Variants in USP45 observed in about 807,000 individuals in gnomAD.
USP45 encodes ubiquitin carboxyl-terminal hydrolase 45.
Under a neutral mutation model 95.8 loss-of-function variants are expected in USP45, and 89 were observed. The observed-to-expected ratio is 0.93, with a 90% confidence interval of 0.78 to 1.11. The LOEUF is 1.11. USP45 is among the 50% of genes least tolerant of loss of function. The pLI is 0.00. For missense variants in USP45, 898 were observed against 942.5 expected (o/e 0.95, Z 0.62); for synonymous variants, 281 against 316.2 (o/e 0.89, Z 1.18).
intron 5 of USP45, chr6:99,502,002 G>T (rs1331262845): frequency 7.7e-7 from 1 of 1,300,228 alleles, no homozygotes; most frequent in Admixed American, 2.4e-5. Context: ...TCAGGATGGG[G>T]CCTGGCCCTG....
At position 99,446,066 on chromosome 6, in the gene USP45, G is replaced by C. The variant is rs780041973; in HGVS notation, c.1706C>G (p.Thr569Ser). Residue 569 changes from threonine (T) to serine (S), a missense_variant, in exon 14 of 18, where the codon ACT becomes AGT. Coordinates refer to ENST00000500704, the MANE Select transcript of USP45 (RefSeq NM_001346022.3). ...ISELRLSSTV[T>S]GDQDFDRENQ... ...TTCTCTGTCAAAATCTTGATCTCCA[G>C]TTACAGTGCTGCTCAAACGAAGTTC... is the stretch of plus-strand genomic sequence containing the variant. 2.5e-6 allele frequency: 4 copies of C among 1,613,992 alleles called. No homozygotes were observed. The highest frequency in any genetic ancestry group is 1.3e-5 in the African/African-American group (1 of 75,038).
chr6:99,510,005 T>C, intron 2 of USP45, 116 bp downstream of exon 2: 1 of 770,230 alleles, frequency 1.3e-6, no homozygotes, highest in Non-Finnish European at 2.2e-6. Flanking sequence ...CTAGGTTTGG[T>C]GGAAAAAAAT....
At chr6:99,456,524 C>T (rs1332455068) in intron 13 of USP45, among the ~76,000 whole-genome samples, 1 of 152,126 alleles carries the variant, frequency 6.6e-6, no homozygotes, top group Non-Finnish European at 1.5e-5. Flanking sequence ...TTATTAGTTC[C>T]CCAAATTAAT....
intron 7 of USP45, 135 bp from the exon 8 acceptor site, chr6:99,483,018 T>C (rs1013097541): frequency 1.5e-6 from 1 of 682,804 alleles, no homozygotes; most frequent in African/African-American, 1.9e-5. Context: ...TATTATTTCA[T>C]AAATAAAATA....
chr6:99,515,282 C>G (rs1379202650), intron 1 of USP45, 110 bp downstream of exon 1: 4 of 152,216 alleles, frequency 2.6e-5, no homozygotes, highest in Admixed American at 2.6e-4. Context: ...TGGGGAGCCT[C>G]TCTTCCAGCC....
chr6:99,494,302 G>C (rs1400015807), intron 5 of USP45, among the ~76,000 whole-genome samples: 1 of 152,112 alleles, frequency 6.6e-6, no homozygotes, highest in African/African-American at 2.4e-5. Context: ...AAAGAACATT[G>C]AGAGCACACT....
At chr6:99,469,463 ATATATAT>A (rs1420196184) in intron 9 of USP45, among the ~76,000 whole-genome samples, 2 of 116,448 alleles carry the variant, frequency 1.7e-5, no homozygotes, top group Non-Finnish European at 3.4e-5. Flanking sequence ...TATAATTAAT[ATATATAT>A]AATATATATA....
intron 15 of USP45, among the ~76,000 whole-genome samples, chr6:99,441,149 G>A (rs1303158332): frequency 1.2e-5 from 1 of 80,988 alleles, no homozygotes; most frequent in Non-Finnish European, 2.4e-5. Context: ...GATCTGAGTG[G>A]GGCACACACA....
Position 99,496,583 on chromosome 6 carries a change from A to G in USP45, c.478+7182T>C, listed in dbSNP as rs1044023875. Among the ~76,000 whole-genome samples, 17 of 152,208 alleles carry G rather than the reference A, an allele frequency of 1.1e-4. No homozygotes were observed. In the East Asian group the frequency reaches 3.3e-3, roughly 29 times the overall value. ...AATTATGAGCCAAATGCATTGGTTT[A>G]GAAAAGAACATGGGATTGTCAGTCA... On this transcript the variant is annotated intron_variant, in intron 5 of 17. Coordinates refer to ENST00000500704, the MANE Select transcript of USP45 (RefSeq NM_001346022.3).
chr6:99,511,499 A>G (rs1799784441), intron 1 of USP45, among the ~76,000 whole-genome samples: 1 of 151,788 alleles, frequency 6.6e-6, no homozygotes, highest in Non-Finnish European at 1.5e-5. Flanking sequence ...CCCAGGCTGG[A>G]GTGCAGTGGC....
At chr6:99,443,734 T>G (rs1206567005) in intron 14 of USP45, 72 bp from the exon 15 acceptor site, 9 of 994,552 alleles carry the variant, frequency 9.0e-6, no homozygotes, top group Admixed American at 2.9e-5. Flanking sequence ...TAAAAATTTA[T>G]ACAGAAGTAT....
chr6:99,487,720 G>A (rs1046429667), intron 7 of USP45, among the ~76,000 whole-genome samples: 7 of 151,580 alleles, frequency 4.6e-5, no homozygotes, highest in Non-Finnish European at 7.4e-5. Context: ...GCATAAACCC[G>A]GGAGGCGGAG....
intron 5 of USP45, chr6:99,501,827 G>C: frequency 9.6e-7 from 1 of 1,037,006 alleles, no homozygotes; most frequent in Non-Finnish European, 1.2e-6. Flanking sequence ...GATCTGGCTG[G>C]CTTTTCTCCC....
intron 13 of USP45, among the ~76,000 whole-genome samples, chr6:99,458,096 C>T (rs901389997): frequency 6.6e-6 from 1 of 152,214 alleles, no homozygotes. Context: ...TCTCGGCTCA[C>T]TGCAACCTCC....
In USP45 at chr6:99,486,138, G is replaced by T. The variant is rs1793813303; in HGVS notation, c.714+2062C>A. On this transcript the variant is annotated intron_variant, in intron 7 of 17. Coordinates refer to ENST00000500704, the MANE Select transcript of USP45 (RefSeq NM_001346022.3). Reference sequence around the variant, plus strand: ...TGGAGCTCTGAGCCAGCACAATAAGGTAAAAAAATAAAAATAAAAAAATAA... The same window carrying T: ...TGGAGCTCTGAGCCAGCACAATAAGTTAAAAAAATAAAAATAAAAAAATAA... Among the ~76,000 whole-genome samples, 4 of 151,776 alleles carry T rather than the reference G, an allele frequency of 2.6e-5. No individual in the cohort carries two copies. The South Asian group carries it at 6.2e-4, about 24-fold the overall frequency.
At position 99,433,359 on chromosome 6, in the gene USP45, ATTATTAT is replaced by A. The variant is rs1779996657; in HGVS notation, c.*2350_*2356del. On this transcript the variant is annotated 3_prime_UTR_variant, in exon 18 of 18. Transcript: ENST00000500704. ...GTAGTTATGTTGATGATAAGTAAAC[ATTATTAT>A]TTATTTATACTGTTTCCTGAGGTGA... is the stretch of plus-strand genomic sequence containing the variant. The A allele has an allele frequency of 2.0e-5, 3 of 151,044 alleles. No individual in the cohort carries two copies. Among genetic ancestry groups the A allele is most frequent in the African/African-American group, 7.5e-5 (3 of 39,914 alleles). 9.4% of individuals were successfully genotyped at this position (151,044 alleles called of 1,614,324 possible).
At position 99,468,541 on chromosome 6, in the gene USP45, G is replaced by T; in HGVS notation, c.1011C>A (p.Val337=). ...TTTAACAAAGAGTCAACATACCTTT[G>T]ACTTTTTTTCTAGTTTCATCATCAG... is the stretch of plus-strand genomic sequence containing the variant. ...KTADDETRKK[V]KAYGKEGVKM... The change falls in exon 10 of 18, where the codon GTC becomes GTA. Residue 337 remains valine, a synonymous_variant. Transcript: ENST00000500704. The T allele has an allele frequency of 6.3e-7, 1 of 1,596,440 alleles. No individual in the cohort carries two copies. The highest frequency in any genetic ancestry group is 8.6e-7 in the Non-Finnish European group (1 of 1,167,888).
At chr6:99,440,445 C>T (rs538765445) in intron 15 of USP45, among the ~76,000 whole-genome samples, 37 of 152,190 alleles carry the variant, frequency 2.4e-4, no homozygotes, top group African/African-American at 8.7e-4. Context: ...AAAGTATATG[C>T]TTTGCATTAT....
rs775356157 is a variant in USP45 at position 99,510,139 on chromosome 6, A to G, written c.82T>C (p.Ser28Pro). 1 of 1,606,120 alleles carries G rather than the reference A, an allele frequency of 6.2e-7. No homozygotes were observed. Among genetic ancestry groups the G allele is most frequent in the South Asian group, 1.1e-5 (1 of 90,814 alleles). ...AATTTACCAGCAATATCATCTGAAG[A>G]GTCTTCATCATGAGGTACAGTAGGC... Reference protein sequence around the residue: ...KRPTVPHDEDSSDDIAVGLTC... With the variant: ...KRPTVPHDEDPSDDIAVGLTC... The change falls in exon 2 of 18, where the codon TCT (serine) becomes CCT (proline). Residue 28 changes from serine (S) to proline (P), a missense_variant. Ser to Pro is a moderately conservative substitution (Grantham distance 74, BLOSUM62 -1). Transcript: ENST00000500704.
Sources: allele counts gnomAD v4.1 joint callset (sites outside exome capture counted in the v4.1 genomes callset), GRCh38; gene constraint gnomAD v4.1.1; transcripts MANE v1.5; gene names NCBI Gene and HGNC (gene_info 2026-07-23, HGNC 2026-07-21).